Variants in SANBR observed in about 807,000 individuals in gnomAD.
SANBR encodes the protein SANT and BTB domain regulator of class switch recombination.
Under a neutral mutation model 101.8 loss-of-function variants are expected in SANBR, and 77 were observed. That is an observed-to-expected ratio of 0.76 (90% CI 0.63 to 0.91). The LOEUF is 0.91. SANBR is among the 40% of genes least tolerant of loss of function. The probability of loss-of-function intolerance (pLI) is 0.00; values close to 1 mark genes in which losing one functional copy is unlikely to be tolerated. For missense variants in SANBR, 875 were observed against 853.0 expected (o/e 1.03, Z -0.32); for synonymous variants, 279 against 274.7 (o/e 1.02, Z -0.15).
intron 20 of SANBR, among the ~76,000 whole-genome samples, chr2:61,133,639 C>A (rs1025202548): frequency 2.6e-5 from 4 of 151,966 alleles, no homozygotes; most frequent in Admixed American, 2.6e-4. Context: ...ATATGTGCTA[C>A]AACACGGATA....
At chr2:61,087,719 T>C (rs1410053707) in intron 8 of SANBR, among the ~76,000 whole-genome samples, 1 of 151,892 alleles carries the variant, frequency 6.6e-6, no homozygotes, top group East Asian at 1.9e-4. Flanking sequence ...GGCATGGTCA[T>C]GCACACCTGT....
intron 4 of SANBR, among the ~76,000 whole-genome samples, chr2:61,072,202 G>A (rs1000849157): frequency 6.6e-6 from 1 of 152,212 alleles, no homozygotes. Context: ...GCTTCCCAAA[G>A]TGTTGGGATT....
chr2:61,086,243 G>A lies in SANBR; in HGVS notation c.891-1916G>A, dbSNP rs1012184510. 7.9e-5 allele frequency among the ~76,000 whole-genome samples: 12 copies of A among 151,654 alleles called. No homozygotes were observed. In the South Asian group the frequency reaches 1.0e-3, roughly 13 times the overall value. On this transcript the variant is annotated intron_variant, in intron 8 of 21. Transcript: ENST00000402291. ...TAGTGGTACAGCCATGGCTTACTGC[G>A]GCCTCAAACTCCTGGGCTCAAGCAT...
Position 61,122,336 on chromosome 2 carries a change from A to C in SANBR, c.*174A>C. ...GCATAGTTAGGTTTTATGAAAATCT[A>C]ATTGTAAATATGAAACTTTTTAAAT... On this transcript the variant is annotated 3_prime_UTR_variant, in exon 22 of 22. Transcript: ENST00000402291. 8.1e-7 allele frequency: 1 copy of C among 1,242,142 alleles called. No homozygotes were observed. The highest frequency in any genetic ancestry group is 1.0e-6 in the Non-Finnish European group (1 of 964,246). 76.9% of individuals were successfully genotyped at this position (1,242,142 alleles called of 1,614,324 possible).
intron 6 of SANBR, among the ~76,000 whole-genome samples, chr2:61,081,113 A>C (rs1682100817): frequency 6.6e-6 from 1 of 152,190 alleles, no homozygotes; most frequent in African/African-American, 2.4e-5. Flanking sequence ...TTAATCATTT[A>C]AAAAGTTTTC....
chr2:61,108,393 CTAAAT>C (rs1683674705), intron 15 of SANBR, 44 bp downstream of exon 15: 4 of 1,351,810 alleles, frequency 3.0e-6, no homozygotes, highest in Admixed American at 2.2e-5. Context: ...CTCTTTCTTC[CTAAAT>C]TAAAGTTTAG....
At chr2:61,116,490 A>C (rs1435077721) in intron 17 of SANBR, among the ~76,000 whole-genome samples, 1 of 152,176 alleles carries the variant, frequency 6.6e-6, no homozygotes, top group Non-Finnish European at 1.5e-5. Context: ...AAAAATTAAA[A>C]ATAGTCTTTT....
At chr2:61,107,260 A>G (rs936311263) in intron 14 of SANBR, among the ~76,000 whole-genome samples, 25 of 152,134 alleles carry the variant, frequency 1.6e-4, no homozygotes, top group Middle Eastern at 3.4e-3. Context: ...GCATGAATGG[A>G]TATTTTGTTT....
chr2:61,073,467 G>A lies in SANBR; in HGVS notation c.347G>A (p.Ser116Asn). The A allele has an allele frequency of 6.5e-7, 1 of 1,531,652 alleles. No individual in the cohort carries two copies. Among genetic ancestry groups the A allele is most frequent in the African/African-American group, 1.4e-5 (1 of 72,656 alleles). 94.9% of individuals were successfully genotyped at this position (1,531,652 alleles called of 1,614,324 possible). Residue 116 changes from serine to asparagine, a missense_variant, in exon 5 of 22, where the codon AGT becomes AAT. Coordinates refer to ENST00000402291, the MANE Select transcript of SANBR (RefSeq NM_001129993.3). ...HDAVSKTGRH[S>N]IASTRNCSSE... ...TGTTTCTGTATTTAAGGAAGACATAGTATAGCTTCCACAAGGAATTGTTCT... is the reference window on the plus strand; with the variant it reads ...TGTTTCTGTATTTAAGGAAGACATAATATAGCTTCCACAAGGAATTGTTCT...
chr2:61,075,090 G>C (rs1200387587), intron 5 of SANBR: 1 of 151,966 alleles, frequency 6.6e-6, no homozygotes, highest in Non-Finnish European at 1.5e-5. Context: ...GAGCCACCGT[G>C]CCTGGACCTC....
intron 16 of SANBR, among the ~76,000 whole-genome samples, chr2:61,110,691 T>C (rs1277529133): frequency 2.3e-5 from 3 of 132,836 alleles, no homozygotes; most frequent in Non-Finnish European, 5.0e-5. Flanking sequence ...AAAAAAAAAA[T>C]ACAAAACTTA....
chr2:61,110,445 C>T (rs779961698), intron 16 of SANBR, among the ~76,000 whole-genome samples: 5 of 151,952 alleles, frequency 3.3e-5, no homozygotes, highest in Non-Finnish European at 5.9e-5. Context: ...TTTAGGAGGC[C>T]GAGGCAGGCG....
chr2:61,077,137 G>T lies in SANBR; in HGVS notation c.649G>T (p.Asp217Tyr), dbSNP rs772479417. 12 of 1,605,018 alleles carry T rather than the reference G, an allele frequency of 7.5e-6. No homozygotes were observed. The highest frequency in any genetic ancestry group is 1.3e-5 in the African/African-American group (1 of 74,714). Residue 217 changes from aspartate (D) to tyrosine (Y), a missense_variant, in exon 6 of 22, where the codon GAT (aspartate) becomes TAT (tyrosine). Transcript: ENST00000402291. ...YIKRNTKENK[D>Y]CEMPTLEPGN... is the part of the protein sequence containing the mutation. ...TAAAAGGAACACTAAGGAGAATAAA[G>T]ATTGTGAGATGCCCACTTTAGGTAA... is the stretch of plus-strand genomic sequence containing the variant.
chr2:61,074,331 T>C (rs1408230608), intron 5 of SANBR, among the ~76,000 whole-genome samples: 1 of 152,222 alleles, frequency 6.6e-6, no homozygotes, highest in Non-Finnish European at 1.5e-5. Context: ...AATTTTACTT[T>C]TTGTATATTT....
At chr2:61,083,568 A>T (rs925730564) in intron 8 of SANBR, among the ~76,000 whole-genome samples, 4 of 128,698 alleles carry the variant, frequency 3.1e-5, no homozygotes, top group Admixed American at 7.2e-5. Flanking sequence ...AGCTAAATTA[A>T]AAAAAAAAAA....
chr2:61,123,150 G>A lies in SANBR; in HGVS notation c.*988G>A. 2 of 980,824 alleles carry A rather than the reference G, an allele frequency of 2.0e-6. No homozygotes were observed. The highest frequency in any genetic ancestry group is 4.7e-5 in the South Asian group (1 of 21,190). The allele number at this position is 980,824 out of a possible 1,614,324, so 60.8% of individuals were successfully genotyped here. A position where few individuals can be genotyped will look rare whatever the true frequency, so the allele number is the denominator to read the frequency against. On this transcript the variant is annotated 3_prime_UTR_variant, in exon 22 of 22. Transcript: ENST00000402291. ...TAGCCAGGCAGAAAGAGTGCTCAGG[G>A]AAAATTTGTTCCAAACTATAACCAT...
At chr2:61,086,559 G>T (rs937797172) in intron 8 of SANBR, among the ~76,000 whole-genome samples, 1 of 152,030 alleles carries the variant, frequency 6.6e-6, no homozygotes, top group African/African-American at 2.4e-5. Flanking sequence ...AAGGAAAAAA[G>T]GTTTCCAAAG....
chr2:61,123,736 G>T lies in SANBR; in HGVS notation c.*1574G>T. 1.0e-6 allele frequency: 1 copy of T among 985,424 alleles called. No homozygotes were observed. The highest frequency in any genetic ancestry group is 1.2e-6 in the Non-Finnish European group (1 of 829,852). The allele number at this position is 985,424 out of a possible 1,614,324, so 61.0% of individuals were successfully genotyped here. On this transcript the variant is annotated 3_prime_UTR_variant, in exon 22 of 22. Transcript: ENST00000402291. ...TAAAAAGGCAAACTGCTTCTCCCCTGGGAGGCCTATACCACTGAATTAATT... is the reference window on the plus strand; with the variant it reads ...TAAAAAGGCAAACTGCTTCTCCCCTTGGAGGCCTATACCACTGAATTAATT...
intron 16 of SANBR, among the ~76,000 whole-genome samples, chr2:61,115,342 A>AT (rs1423467308): frequency 5.3e-5 from 5 of 94,182 alleles, no homozygotes; most frequent in East Asian, 2.6e-4. Flanking sequence ...ATATATATAT[A>AT]TATATTTTTT....
Sources: allele counts gnomAD v4.1 joint callset (sites outside exome capture counted in the v4.1 genomes callset), GRCh38; gene constraint gnomAD v4.1.1; transcripts MANE v1.5; gene names NCBI Gene and HGNC (gene_info 2026-07-23, HGNC 2026-07-21).